MYO16: variants seen among roughly 807,000 people sequenced by gnomAD.
MYO16 encodes myosin XVI.
MYO16 carries 94 observed loss-of-function variants against 205.3 expected under a neutral mutation model. The ratio of observed to expected loss-of-function variants is 0.46; its 90% CI spans 0.39 to 0.54. MYO16 has a LOEUF of 0.54. Among genes scored for constraint, MYO16 ranks in the 20% least tolerant of loss-of-function variants. MYO16 has a pLI of 0.00. For synonymous variants in MYO16, 988 were observed against 954.0 expected (o/e 1.04, Z -0.66); for missense variants, 2,315 against 2,387.5 (o/e 0.97, Z 0.63).
At chr13:108,805,962 T>TAAATAAATAAAA (rs2138980129) in intron 6 of MYO16, among the ~76,000 whole-genome samples, 1 of 41,084 alleles carries the variant, frequency 2.4e-5, no homozygotes, top group Non-Finnish European at 6.7e-5. Context: ...ATAAATAAAA[T>TAAATAAATAAAA]TAGCTGGGTT....
At chr13:108,839,830 G>A (rs1336698578) in intron 9 of MYO16, among the ~76,000 whole-genome samples, 3 of 152,016 alleles carry the variant, frequency 2.0e-5, no homozygotes. Context: ...TCTCCTCCAG[G>A]GAACTCTTGT....
Position 109,011,961 on chromosome 13 carries a change from A to G in MYO16, c.2595+2912A>G, listed in dbSNP as rs953358968. On this transcript the variant is annotated intron_variant, in intron 22 of 34. Coordinates refer to ENST00000457511, the MANE Select transcript of MYO16 (RefSeq NM_001198950.3). ...TTTGGTAACCTCAGGTCAAAATACA[A>G]ACTGAATTCACAATAGGGGTCAATA... is the stretch of plus-strand genomic sequence containing the variant. Among the ~76,000 whole-genome samples, 5 of 152,162 alleles carry G rather than the reference A, an allele frequency of 3.3e-5. No individual in the cohort carries two copies. In the East Asian group the frequency reaches 9.6e-4, roughly 29 times the overall value.
At position 109,120,064 on chromosome 13, in the gene MYO16, G is replaced by A. The variant is rs530572083; in HGVS notation, c.3439-306G>A. The stretch of plus-strand genomic sequence containing the variant: ...AATGGGAGAATCCATTCATGGGGAT[G>A]CTCTTATCTTCTGACTGATAGTCAA... On this transcript the variant is annotated intron_variant, in intron 28 of 34. Coordinates refer to ENST00000457511, the MANE Select transcript of MYO16 (RefSeq NM_001198950.3). Among the ~76,000 whole-genome samples the A allele has an allele frequency of 2.6e-5, 4 of 152,310 alleles. No individual in the cohort carries two copies. In the South Asian group the frequency reaches 8.3e-4, roughly 32 times the overall value.
intron 10 of MYO16, 165 bp from the exon 11 acceptor site, chr13:108,855,276 GTT>G (rs5806761): frequency 0.013 from 3,984 of 314,298 alleles, 1 homozygote; most frequent in Non-Finnish European, 0.016. Flanking sequence ...TGGCTTTAGA[GTT>G]TTTTTTTTTT....
intron 9 of MYO16, among the ~76,000 whole-genome samples, chr13:108,829,865 C>A (rs1044954778): frequency 4.6e-5 from 7 of 151,874 alleles, no homozygotes; most frequent in Non-Finnish European, 5.9e-5. Context: ...ACTCATCTGA[C>A]AAAGGGCTAA....
At chr13:109,147,456 A>G (rs1877396602) in intron 32 of MYO16, among the ~76,000 whole-genome samples, 1 of 152,184 alleles carries the variant, frequency 6.6e-6, no homozygotes, top group African/African-American at 2.4e-5. Flanking sequence ...AGAAGTTCCA[A>G]CATTATCGTC....
chr13:108,964,613 G>A (rs1269993100), intron 19 of MYO16, 148 bp from the exon 20 acceptor site: 4 of 829,920 alleles, frequency 4.8e-6, no homozygotes, highest in Non-Finnish European at 7.6e-6. Context: ...ATAACTGACG[G>A]AGACCTCATT....
chr13:109,062,082 AAGAGAGAG>A (rs66647525), intron 27 of MYO16, among the ~76,000 whole-genome samples: 3 of 127,226 alleles, frequency 2.4e-5, no homozygotes, highest in African/African-American at 9.2e-5. Context: ...TGGAGGGAGA[AAGAGAGAG>A]AGAGAGATAT....
chr13:109,119,054 TTTA>T (rs55994845), intron 28 of MYO16, among the ~76,000 whole-genome samples: 27,025 of 152,100 alleles, frequency 0.18, 2,611 homozygotes, highest in African/African-American at 0.24. Flanking sequence ...AAAACTGTGT[TTTA>T]TTAAGACAAC....
At position 109,141,505 on chromosome 13, in the gene MYO16, G is replaced by A. The variant is rs1877095940; in HGVS notation, c.5164+129G>A. The A allele has an allele frequency of 1.7e-6, 1 of 598,446 alleles. No homozygotes were observed. Among genetic ancestry groups the A allele is most frequent in the Non-Finnish European group, 2.6e-6 (1 of 387,708 alleles). 37.1% of individuals were successfully genotyped at this position (598,446 alleles called of 1,614,324 possible). ...GTGATGGCCGTGGTCGTTCAGAGCA[G>A]ATATCAGCTTTAAAAAAAAATCGTA... On this transcript the variant is annotated intron_variant, in intron 32 of 34. Coordinates refer to ENST00000457511, the MANE Select transcript of MYO16 (RefSeq NM_001198950.3). The surrounding 1 kb of genome is among the most constrained non-coding windows in gnomAD (Gnocchi z 4.1).
chr13:109,190,306 A>G (rs1393463175), intron 34 of MYO16, among the ~76,000 whole-genome samples: 2 of 152,160 alleles, frequency 1.3e-5, no homozygotes, highest in African/African-American at 4.8e-5. Context: ...TTCTGTACGG[A>G]TAACAATTGT....
chr13:109,173,490 C>T (rs1415611468), intron 33 of MYO16, among the ~76,000 whole-genome samples: 1 of 152,080 alleles, frequency 6.6e-6, no homozygotes, highest in Non-Finnish European at 1.5e-5. Context: ...GAATTTGCTG[C>T]ACAATGTATT....
intron 9 of MYO16, among the ~76,000 whole-genome samples, chr13:108,839,136 A>C (rs1877099396): frequency 6.6e-6 from 1 of 152,256 alleles, no homozygotes. Context: ...GAGGTGGCAC[A>C]GCATATCTCA....
At chr13:108,820,284 T>C in intron 7 of MYO16, 53 bp from the exon 8 acceptor site, 1 of 1,311,174 alleles carries the variant, frequency 7.6e-7, no homozygotes, top group Non-Finnish European at 1.1e-6. Context: ...CTTACTGATG[T>C]ATCCTAGCTT....
At chr13:108,943,742 C>T (rs190451517) in intron 16 of MYO16, among the ~76,000 whole-genome samples, 3 of 152,236 alleles carry the variant, frequency 2.0e-5, no homozygotes, top group East Asian at 1.9e-4. Flanking sequence ...TGAGCCACCA[C>T]GCCTGGCTAA....
At chr13:108,708,127 T>C (rs1032156362) in intron 2 of MYO16, among the ~76,000 whole-genome samples, 3 of 152,238 alleles carry the variant, frequency 2.0e-5, no homozygotes, top group Non-Finnish European at 4.4e-5. Context: ...AATAAAATCC[T>C]CAAGTTATTC....
chr13:108,789,007 C>T (rs1886538710), intron 5 of MYO16, among the ~76,000 whole-genome samples: 1 of 152,136 alleles, frequency 6.6e-6, no homozygotes, highest in African/African-American at 2.4e-5. Context: ...TTGTCTCACC[C>T]TTTTGCTTGT....
the MYO16 span, among the ~76,000 whole-genome samples, chr13:108,588,218 T>A: frequency 6.6e-6 from 1 of 152,196 alleles, no homozygotes; most frequent in Non-Finnish European, 1.5e-5. Flanking sequence ...CTACTGGTAT[T>A]CCTGTGTCTT....
intron 9 of MYO16, among the ~76,000 whole-genome samples, chr13:108,834,199 C>T (rs1487499914): frequency 6.6e-6 from 1 of 152,062 alleles, no homozygotes; most frequent in Non-Finnish European, 1.5e-5. Context: ...TTTCTAAGTG[C>T]TGGGGTGAGC....
Sources: allele counts gnomAD v4.1 joint callset (sites outside exome capture counted in the v4.1 genomes callset), GRCh38; gene constraint gnomAD v4.1.1; non-coding constraint Gnocchi (gnomAD v3.1); transcripts MANE v1.5; gene names NCBI Gene and HGNC (gene_info 2026-07-23, HGNC 2026-07-21).